Variants in AURKA observed in about 807,000 individuals in gnomAD.
The protein encoded by AURKA is aurora kinase A.
In AURKA, 12 loss-of-function variants were observed where a neutral mutation model predicts 40.9. That is an observed-to-expected ratio of 0.29 (90% CI 0.19 to 0.48). AURKA has a LOEUF of 0.48. AURKA is among the 20% of genes least tolerant of loss of function. The probability of loss-of-function intolerance (pLI) is 0.99; values close to 1 mark genes in which losing one functional copy is unlikely to be tolerated. For synonymous variants in AURKA, 170 were observed against 164.3 expected (o/e 1.03, Z -0.26); for missense variants, 322 against 462.1 (o/e 0.70, Z 2.78).
Position 56,369,832 on chromosome 20 carries a change from A to G in AURKA, c.*326T>C, listed in dbSNP as rs1983859399. 4.1e-6 allele frequency: 2 copies of G among 482,242 alleles called. No homozygotes were observed. Among genetic ancestry groups the G allele is most frequent in the Non-Finnish European group, 7.6e-6 (2 of 263,256 alleles). The allele number at this position is 482,242 out of a possible 1,614,324, so 29.9% of individuals were successfully genotyped here. A position where few individuals can be genotyped will look rare whatever the true frequency, so the allele number is the denominator to read the frequency against. Reference sequence around the variant, plus strand: ...TCAGGGCAGAGTGGTCACTTTCCCCACAGCCAGGCTCTGGATTTGCCTCCT... The same window carrying G: ...TCAGGGCAGAGTGGTCACTTTCCCCGCAGCCAGGCTCTGGATTTGCCTCCT... On this transcript the variant is annotated 3_prime_UTR_variant, in exon 9 of 9. Transcript: ENST00000395915.
intron 2 of AURKA, among the ~76,000 whole-genome samples, chr20:56,386,865 A>G (rs1236144500): frequency 6.6e-6 from 1 of 152,364 alleles, no homozygotes; most frequent in Middle Eastern, 3.4e-3. Flanking sequence ...AAGCTATGAT[A>G]CAAAAACTTT....
chr20:56,374,389 C>T (rs1357340339), intron 6 of AURKA, among the ~76,000 whole-genome samples: 1 of 151,524 alleles, frequency 6.6e-6, no homozygotes, highest in Non-Finnish European at 1.5e-5. Flanking sequence ...TTTTTTAAAA[C>T]CAAGGTCATT....
At chr20:56,380,360 G>GAAAAAAAAA (rs58953054) in intron 6 of AURKA, among the ~76,000 whole-genome samples, 2 of 119,982 alleles carry the variant, frequency 1.7e-5, no homozygotes, top group Non-Finnish European at 3.3e-5. Flanking sequence ...GTCTCAAAAA[G>GAAAAAAAAA]AAAAAAAAAA....
At position 56,383,170 on chromosome 20, in the gene AURKA, C is replaced by T. The variant is rs750320892; in HGVS notation, c.381G>A (p.Gln127=). 8.1e-6 allele frequency: 13 copies of T among 1,614,008 alleles called. No homozygotes were observed. Among genetic ancestry groups the T allele is most frequent in the Non-Finnish European group, 1.0e-5 (12 of 1,180,008 alleles). Residue 127 remains glutamine, a synonymous_variant, in exon 5 of 9, where the codon CAG becomes CAA. Transcript: ENST00000395915. ...CAATTTCAAAGTCTTCCAAAGCCCA[C>T]TGCCTCCTAGGAGGAATTTGAACAC... is the stretch of plus-strand genomic sequence containing the variant. ...KQKNEESKKR[Q]WALEDFEIGR... is the part of the protein sequence containing the mutation.
chr20:56,386,934 C>CA (rs11480282), intron 2 of AURKA, among the ~76,000 whole-genome samples: 38,416 of 150,202 alleles, frequency 0.26, 5,431 homozygotes, highest in East Asian at 0.66. Flanking sequence ...AGAAAAAGAC[C>CA]AAAAAAAAAT....
At chr20:56,370,401 G>A (rs923344401) in intron 8 of AURKA, 61 bp from the exon 9 acceptor site, 1 of 1,613,564 alleles carries the variant, frequency 6.2e-7, no homozygotes, top group Middle Eastern at 1.6e-4. Flanking sequence ...AAATAGTATA[G>A]ATGTTCGGAT....
chr20:56,370,691 C>A (rs760107312), intron 7 of AURKA, 32 bp from the exon 8 acceptor site: 1 of 1,612,696 alleles, frequency 6.2e-7, no homozygotes, highest in Non-Finnish European at 8.5e-7. Flanking sequence ...GGTTGATGTG[C>A]TTCTCGTTTT....
chr20:56,387,443 C>T lies in AURKA; in HGVS notation c.42+713G>A, dbSNP rs1186069156. The stretch of plus-strand genomic sequence containing the variant: ...CTGGGATTACAGGCGTGAGCCACCG[C>T]GCCCAGCCTTGAAATGTATTATTTA... On this transcript the variant is annotated intron_variant, in intron 2 of 8. Coordinates refer to ENST00000395915, the MANE Select transcript of AURKA (RefSeq NM_198437.3). Among the ~76,000 whole-genome samples the T allele has an allele frequency of 3.9e-5, 6 of 152,306 alleles. No homozygotes were observed. The East Asian group carries it at 7.7e-4, about 20-fold the overall frequency.
intron 3 of AURKA, among the ~76,000 whole-genome samples, chr20:56,384,555 T>A (rs1370512270): frequency 6.6e-6 from 1 of 152,078 alleles, no homozygotes; most frequent in Non-Finnish European, 1.5e-5. Flanking sequence ...GACGTATATA[T>A]AGACAGGCCC....
At chr20:56,391,927 A>C in intron 1 of AURKA, 1 of 114,474 alleles carries the variant, frequency 8.7e-6, no homozygotes, top group Non-Finnish European at 1.6e-5. Flanking sequence ...AACACCACTC[A>C]ACAAACCCCT....
At chr20:56,381,239 C>T (rs1302369527) in intron 6 of AURKA, among the ~76,000 whole-genome samples, 194 bp downstream of exon 6, 1 of 152,192 alleles carries the variant, frequency 6.6e-6, no homozygotes, top group Non-Finnish European at 1.5e-5. Flanking sequence ...GCAGATACAA[C>T]ATTCTACCTG....
In AURKA at chr20:56,370,218, T is replaced by C. The variant is rs2146119446; in HGVS notation, c.1152A>G (p.Thr384=). The part of the protein sequence containing the change: ...LREVLEHPWI[T]ANSSKPSNCQ... ...AATTTGATGGTTTTGATGAATTTGCTGTGATCCAGGGGTGTTCAAGTACTT... is the reference window on the plus strand; with the variant it reads ...AATTTGATGGTTTTGATGAATTTGCCGTGATCCAGGGGTGTTCAAGTACTT... Residue 384 remains threonine (T), a synonymous_variant, in exon 9 of 9, where the codon ACA becomes ACG. Transcript: ENST00000395915. 1 of 1,613,998 alleles carries C rather than the reference T, an allele frequency of 6.2e-7. No individual in the cohort carries two copies. Among genetic ancestry groups the C allele is most frequent in the Non-Finnish European group, 8.5e-7 (1 of 1,180,016 alleles).
intron 6 of AURKA, among the ~76,000 whole-genome samples, chr20:56,381,025 G>A (rs1364920126): frequency 2.0e-5 from 3 of 152,106 alleles, no homozygotes; most frequent in East Asian, 3.9e-4. Flanking sequence ...GTGTGCACCT[G>A]TAGTCCCAGC....
intron 5 of AURKA, 90 bp from the exon 6 acceptor site, chr20:56,381,661 A>G: frequency 1.3e-6 from 2 of 1,534,834 alleles, no homozygotes; most frequent in Non-Finnish European, 1.8e-6. Flanking sequence ...ATGTAAAACC[A>G]GTGGTGTTTC....
chr20:56,373,134 G>T lies in AURKA; in HGVS notation c.854+274C>A, dbSNP rs935888159. Among the ~76,000 whole-genome samples the T allele has an allele frequency of 2.6e-5, 4 of 152,154 alleles. No homozygotes were observed. Among genetic ancestry groups the T allele is most frequent in the African/African-American group, 9.7e-5 (4 of 41,432 alleles). On this transcript the variant is annotated intron_variant, in intron 7 of 8. Transcript: ENST00000395915. This position sits in a 1 kb window ranked among gnomAD's most constrained non-coding sequence, Gnocchi z 5.0. ...CCTCTGTCATATACGTGTCCTATCTGTTGACTCATTCATCCCTTCATTAGC... is the reference window on the plus strand; with the variant it reads ...CCTCTGTCATATACGTGTCCTATCTTTTGACTCATTCATCCCTTCATTAGC...
intron 4 of AURKA, among the ~76,000 whole-genome samples, chr20:56,383,539 G>C (rs1986000133): frequency 2.6e-5 from 4 of 152,212 alleles, no homozygotes; most frequent in African/African-American, 9.6e-5. Flanking sequence ...CAGACCATCT[G>C]GGGGCATGTT....
intron 1 of AURKA, chr20:56,388,499 C>T (rs6099127): frequency 0.12 from 51,151 of 439,440 alleles, 7,857 homozygotes; most frequent in African/African-American, 0.51. Flanking sequence ...AGCCTACTGG[C>T]ATACCTGCTA....
At chr20:56,392,070 C>T (rs976451876) in intron 1 of AURKA, 98 bp downstream of exon 1, 5 of 152,266 alleles carry the variant, frequency 3.3e-5, no homozygotes, top group African/African-American at 1.2e-4. Flanking sequence ...CGACAGGGGA[C>T]TTGACGCTCC....
chr20:56,372,533 T>TTA (rs765401530), intron 7 of AURKA, among the ~76,000 whole-genome samples: 3 of 121,648 alleles, frequency 2.5e-5, no homozygotes, highest in Non-Finnish European at 3.5e-5. Context: ...ACAACCAGTT[T>TTA]AAAAAAAAAA....
Sources: allele counts gnomAD v4.1 joint callset (sites outside exome capture counted in the v4.1 genomes callset), GRCh38; gene constraint gnomAD v4.1.1; non-coding constraint Gnocchi (gnomAD v3.1); transcripts MANE v1.5; gene names NCBI Gene and HGNC (gene_info 2026-07-23, HGNC 2026-07-21).